Variants in TMEM272 observed in about 807,000 individuals in gnomAD.
The protein encoded by TMEM272 is transmembrane protein 272, also known as long intergenic non-protein coding RNA 282.
Under a neutral mutation model 3.7 loss-of-function variants are expected in TMEM272, and 8 were observed. The ratio of observed to expected loss-of-function variants is 2.17; its 90% CI spans 1.27 to 3.91. TMEM272 has a LOEUF of 3.91. Ranked by LOEUF, TMEM272 falls within the 30% of genes most tolerant of loss-of-function variation. The pLI is 0.00. For missense variants in TMEM272, 166 were observed against 91.5 expected (o/e 1.81, Z -3.32); for synonymous variants, 63 against 39.8 (o/e 1.58, Z -2.20).
intron 3 of TMEM272, among the ~76,000 whole-genome samples, chr13:51,825,562 T>C (rs1593592389): frequency 6.6e-6 from 1 of 152,242 alleles, no homozygotes; most frequent in East Asian, 1.9e-4. Flanking sequence ...GCTCTTTTAC[T>C]TTCTGCTCCA....
chr13:51,928,832 G>A, the TMEM272 span, among the ~76,000 whole-genome samples: 1 of 152,144 alleles, frequency 6.6e-6, no homozygotes, highest in Non-Finnish European at 1.5e-5. Flanking sequence ...GTAGAACATG[G>A]AGCTTTGGAG....
chr13:51,860,682 T>C, the TMEM272 span, among the ~76,000 whole-genome samples: 2 of 146,566 alleles, frequency 1.4e-5, no homozygotes, highest in African/African-American at 2.5e-5. Flanking sequence ...TTAAAAACTA[T>C]GCCTTACCAA....
chr13:51,891,142 G>A, the TMEM272 span, among the ~76,000 whole-genome samples: 1 of 152,180 alleles, frequency 6.6e-6, no homozygotes, highest in Non-Finnish European at 1.5e-5. Flanking sequence ...CCACAGCCCA[G>A]TGATCATTCA....
intron 2 of TMEM272, among the ~76,000 whole-genome samples, chr13:51,836,516 T>C (rs954492180): frequency 6.6e-6 from 1 of 152,240 alleles, no homozygotes; most frequent in African/African-American, 2.4e-5. Context: ...ATTTGACAGA[T>C]GTTCCCTTGT....
chr13:51,890,202 T>G, the TMEM272 span, among the ~76,000 whole-genome samples: 2 of 152,184 alleles, frequency 1.3e-5, no homozygotes, highest in African/African-American at 4.8e-5. Context: ...TGCTATAGTT[T>G]GGAGGTTTAT....
At chr13:51,905,417 T>C in the TMEM272 span, among the ~76,000 whole-genome samples, 1 of 152,184 alleles carries the variant, frequency 6.6e-6, no homozygotes, top group African/African-American at 2.4e-5. Context: ...ACTGTCTTCC[T>C]GAGGCCCTCT....
the TMEM272 span, among the ~76,000 whole-genome samples, chr13:51,874,605 C>T: frequency 6.6e-6 from 1 of 152,080 alleles, no homozygotes; most frequent in Non-Finnish European, 1.5e-5. Flanking sequence ...TATAACCCCA[C>T]ACCCAAATGC....
rs1955988197 is a variant in TMEM272, at chr13:51,813,624, A to T, written c.*3127T>A. On this transcript the variant is annotated 3_prime_UTR_variant, in exon 5 of 5. Coordinates refer to ENST00000629372, the MANE Select transcript of TMEM272 (RefSeq NM_001351003.2). ...GAATCAGAACCAGCTGGGCCCCACA[A>T]GTCAGTCTCTGGGGGCTGTGATTCT... is the stretch of plus-strand genomic sequence containing the variant. 1 of 207,064 alleles carries T rather than the reference A, an allele frequency of 4.8e-6. No homozygotes were observed. The highest frequency in any genetic ancestry group is 9.6e-6 in the Non-Finnish European group (1 of 104,642). The allele number at this position is 207,064 out of a possible 1,614,324, so 12.8% of individuals were successfully genotyped here.
At chr13:51,900,148 C>T in the TMEM272 span, among the ~76,000 whole-genome samples, 1 of 152,126 alleles carries the variant, frequency 6.6e-6, no homozygotes, top group Non-Finnish European at 1.5e-5. Flanking sequence ...GTAAATCGGA[C>T]TTCTTCAAAA....
chr13:51,910,056 T>G, the TMEM272 span: 1 of 1,323,468 alleles, frequency 7.6e-7, no homozygotes, highest in African/African-American at 1.4e-5. Flanking sequence ...CATTTTGGCT[T>G]CAGTTAGTAG....
At chr13:51,902,050 GA>G in the TMEM272 span, among the ~76,000 whole-genome samples, 1 of 152,204 alleles carries the variant, frequency 6.6e-6, no homozygotes, top group African/African-American at 2.4e-5. Flanking sequence ...TAAAAAAACT[GA>G]AAAGAATCAC....
intron 3 of TMEM272, among the ~76,000 whole-genome samples, chr13:51,823,265 A>T (rs1956095266): frequency 6.6e-6 from 1 of 152,172 alleles, no homozygotes; most frequent in African/African-American, 2.4e-5. Flanking sequence ...TCTTGTAGAG[A>T]AGAAGGACTC....
At chr13:51,833,965 C>A (rs1162439131) in intron 2 of TMEM272, among the ~76,000 whole-genome samples, 1 of 152,010 alleles carries the variant, frequency 6.6e-6, no homozygotes, top group African/African-American at 2.4e-5. Context: ...GAGGGTGGAA[C>A]CTTGGGTTGG....
At chr13:51,913,137 G>A in the TMEM272 span, among the ~76,000 whole-genome samples, 6 of 152,330 alleles carry the variant, frequency 3.9e-5, no homozygotes, top group South Asian at 8.3e-4. Flanking sequence ...CTAACGCTTC[G>A]TGTGGAATGC....
the TMEM272 span, among the ~76,000 whole-genome samples, chr13:51,886,705 T>C: frequency 6.6e-6 from 1 of 152,258 alleles, no homozygotes; most frequent in African/African-American, 2.4e-5. Context: ...GGCAGTATCT[T>C]GGAGCTGTCA....
the TMEM272 span, among the ~76,000 whole-genome samples, chr13:51,918,800 ATTCTTTT>A: frequency 7.3e-6 from 1 of 137,128 alleles, no homozygotes; most frequent in Non-Finnish European, 1.6e-5. Context: ...AATTTTTGAA[ATTCTTTT>A]TTTTTTTTTT....
At chr13:51,881,514 T>TG in the TMEM272 span, among the ~76,000 whole-genome samples, 1 of 150,758 alleles carries the variant, frequency 6.6e-6, no homozygotes, top group East Asian at 1.9e-4. Context: ...TGGGGAGGGG[T>TG]GTTAGTGAAC....
chr13:51,873,461 T>A, the TMEM272 span, among the ~76,000 whole-genome samples: 1 of 152,332 alleles, frequency 6.6e-6, no homozygotes, highest in South Asian at 2.1e-4. Flanking sequence ...ACACTAAAAA[T>A]TTTTAAAGTA....
chr13:51,883,551 T>C, the TMEM272 span, among the ~76,000 whole-genome samples: 3 of 152,112 alleles, frequency 2.0e-5, no homozygotes, highest in Non-Finnish European at 2.9e-5. Context: ...GCATGCTGAT[T>C]GGTCCATGGG....
Sources: allele counts gnomAD v4.1 joint callset (sites outside exome capture counted in the v4.1 genomes callset), GRCh38; gene constraint gnomAD v4.1.1; transcripts MANE v1.5; gene names NCBI Gene and HGNC (gene_info 2026-07-23, HGNC 2026-07-21).